SLC16A9: variants seen among roughly 807,000 people sequenced by gnomAD.
The protein encoded by SLC16A9 is solute carrier family 16 member 9, also known as monocarboxylate transporter 9.
In SLC16A9, 26 loss-of-function variants were observed where a neutral mutation model predicts 44.3. That is an observed-to-expected ratio of 0.59 (90% CI 0.43 to 0.81). The LOEUF is 0.81. Among genes scored for constraint, SLC16A9 ranks in the 40% least tolerant of loss-of-function variants. The pLI, the probability that SLC16A9 is intolerant of heterozygous loss-of-function variation, is 0.00. For missense variants in SLC16A9, 559 were observed against 595.8 expected, an observed-to-expected ratio of 0.94 and a Z score of 0.64; for synonymous variants, 230 against 225.1, an observed-to-expected ratio of 1.02 and a Z score of -0.19.
chr10:59,697,038 TGCC>T (rs1840405744), intron 1 of SLC16A9, among the ~76,000 whole-genome samples: 1 of 89,562 alleles, frequency 1.1e-5, no homozygotes, highest in Non-Finnish European at 2.4e-5. Context: ...GGGGCGCCTC[TGCC>T]TGGCCGCCCC....
At chr10:59,689,245 G>A (rs752544004) in intron 1 of SLC16A9, among the ~76,000 whole-genome samples, 9 of 152,064 alleles carry the variant, frequency 5.9e-5, no homozygotes, top group African/African-American at 1.7e-4. Context: ...CCCTCCTCCC[G>A]TGGCTTCCTC....
chr10:59,651,389 TA>T lies in SLC16A9; in HGVS notation c.*1382del, dbSNP rs972825220. The T allele has an allele frequency of 1.3e-5, 2 of 152,284 alleles. No homozygotes were observed. Among genetic ancestry groups the T allele is most frequent in the Non-Finnish European group, 2.9e-5 (2 of 68,006 alleles). 9.4% of individuals were successfully genotyped at this position (152,284 alleles called of 1,614,324 possible). ...TAAAATCCCCTGACCTCTTGGGTTT[TA>T]AAAAAATTATTATTTAAAAGAATAA... On this transcript the variant is annotated 3_prime_UTR_variant, in exon 6 of 6. Coordinates refer to ENST00000395348, the MANE Select transcript of SLC16A9 (RefSeq NM_194298.3).
intron 1 of SLC16A9, among the ~76,000 whole-genome samples, chr10:59,704,216 C>T (rs940282141): frequency 6.6e-6 from 1 of 152,240 alleles, no homozygotes; most frequent in South Asian, 2.1e-4. Flanking sequence ...ATCTCCCTGA[C>T]GCAGGACTAA....
chr10:59,688,988 G>A (rs914641111), intron 1 of SLC16A9, among the ~76,000 whole-genome samples: 2 of 151,986 alleles, frequency 1.3e-5, no homozygotes, highest in African/African-American at 4.8e-5. Flanking sequence ...GCCATGCCCT[G>A]CCTTCGGTGA....
chr10:59,690,258 C>T (rs1046739699), intron 1 of SLC16A9, among the ~76,000 whole-genome samples: 6 of 152,146 alleles, frequency 3.9e-5, no homozygotes, highest in African/African-American at 1.4e-4. Flanking sequence ...AGTTATATTG[C>T]ACTAGCTACT....
In SLC16A9 at chr10:59,694,801, AAT is replaced by A. The variant is rs1554874045; in HGVS notation, c.-36-10476_-36-10475del. Reference sequence around the variant, plus strand: ...GGTAACAGAGCGAGACTCCATCTCAAATATATATATATATATACACACACACA... The same window carrying A: ...GGTAACAGAGCGAGACTCCATCTCAAATATATATATATATACACACACACA... On this transcript the variant is annotated intron_variant, in intron 1 of 5. Coordinates refer to ENST00000395348, the MANE Select transcript of SLC16A9 (RefSeq NM_194298.3). Among the ~76,000 whole-genome samples the A allele has an allele frequency of 4.1e-5, 3 of 72,456 alleles. 1 individual carries two copies. The highest frequency in any genetic ancestry group is 6.4e-5 in the Non-Finnish European group (2 of 31,032). 47.5% of individuals were successfully genotyped at this position (72,456 alleles called of 152,430 possible).
At chr10:59,690,214 C>T (rs564372114) in intron 1 of SLC16A9, among the ~76,000 whole-genome samples, 106 of 152,144 alleles carry the variant, frequency 7.0e-4, no homozygotes, top group African/African-American at 2.5e-3. Flanking sequence ...AGAAAGTGGT[C>T]TTTATTCAAA....
rs552184462 is a variant in SLC16A9, at chr10:59,704,873, C to A, written c.-37+4606G>T. 2.6e-5 allele frequency among the ~76,000 whole-genome samples: 4 copies of A among 152,294 alleles called. No homozygotes were observed. The South Asian group carries it at 8.3e-4, about 32-fold the overall frequency. On this transcript the variant is annotated intron_variant, in intron 1 of 5. Transcript: ENST00000395348. ...GATCATGTGATGTTTGATCTGTTGTCTAAATACATACTTTAGTATGTCATG... is the reference window on the plus strand; with the variant it reads ...GATCATGTGATGTTTGATCTGTTGTATAAATACATACTTTAGTATGTCATG...
Position 59,672,879 on chromosome 10 carries a change from T to A in SLC16A9, c.231A>T (p.Gly77=). 1 of 1,613,468 alleles carries A rather than the reference T, an allele frequency of 6.2e-7. No homozygotes were observed. The highest frequency in any genetic ancestry group is 1.1e-5 in the South Asian group (1 of 90,960). Residue 77 remains glycine (G), a synonymous_variant, in exon 3 of 6, where the codon GGA becomes GGT. Coordinates refer to ENST00000395348, the MANE Select transcript of SLC16A9 (RefSeq NM_194298.3). ...PVCSLCVSSF[G]ARPVTIFSGF... ...CACTGAAGATTGTGACAGGTCTTGC[T>A]CCAAAAGATGAGACACAGAGACTGC...
intron 1 of SLC16A9, among the ~76,000 whole-genome samples, chr10:59,706,927 T>C (rs963315418): frequency 6.7e-6 from 1 of 148,482 alleles, no homozygotes; most frequent in African/African-American, 2.5e-5. Context: ...TAAGCCAAGA[T>C]TGAGCCACTG....
intron 2 of SLC16A9, among the ~76,000 whole-genome samples, chr10:59,680,538 A>G (rs905914832): frequency 1.3e-5 from 2 of 152,262 alleles, no homozygotes; most frequent in Non-Finnish European, 2.9e-5. Context: ...GCCACACACA[A>G]GAAGAAATCT....
chr10:59,688,457 G>C (rs1416433178), intron 1 of SLC16A9, among the ~76,000 whole-genome samples: 2 of 151,988 alleles, frequency 1.3e-5, no homozygotes, highest in Non-Finnish European at 2.9e-5. Context: ...CAAAACTGTA[G>C]GTATAAAATC....
intron 1 of SLC16A9, among the ~76,000 whole-genome samples, chr10:59,702,299 C>G (rs1296513597): frequency 6.6e-6 from 1 of 152,132 alleles, no homozygotes; most frequent in Non-Finnish European, 1.5e-5. Context: ...AAATCTTTTA[C>G]CAATATAACA....
chr10:59,672,643 G>C, intron 3 of SLC16A9, 127 bp downstream of exon 3: 1 of 961,728 alleles, frequency 1.0e-6, no homozygotes, highest in Non-Finnish European at 1.5e-6. Context: ...TGGAGAAGTG[G>C]TTATTGAAAG....
intron 1 of SLC16A9, among the ~76,000 whole-genome samples, chr10:59,703,367 A>G (rs1840567151): frequency 6.6e-6 from 1 of 152,242 alleles, no homozygotes; most frequent in African/African-American, 2.4e-5. Context: ...CAATTCTCCT[A>G]TCATGGCCTC....
intron 1 of SLC16A9, among the ~76,000 whole-genome samples, chr10:59,695,880 GC>G (rs1225576276): frequency 6.6e-6 from 1 of 152,148 alleles, no homozygotes; most frequent in Non-Finnish European, 1.5e-5. Context: ...ACTATTTTAA[GC>G]AAGTTAACAA....
At chr10:59,678,546 C>CTTTTTCTTTTTTTTTTTTTT (rs1839912421) in intron 2 of SLC16A9, among the ~76,000 whole-genome samples, 1 of 30,620 alleles carries the variant, frequency 3.3e-5, no homozygotes, top group Non-Finnish European at 7.1e-5. Flanking sequence ...TTTTCTTTTT[C>CTTTTTCTTTTTTTTTTTTTT]TTTTTTTTGA....
intron 3 of SLC16A9, among the ~76,000 whole-genome samples, chr10:59,671,313 G>A (rs1430765052): frequency 6.6e-6 from 1 of 152,208 alleles, no homozygotes; most frequent in African/African-American, 2.4e-5. Context: ...GAAGGACACT[G>A]CAACAAACAT....
chr10:59,703,741 C>T (rs1341906552), intron 1 of SLC16A9, among the ~76,000 whole-genome samples: 3 of 147,840 alleles, frequency 2.0e-5, no homozygotes, highest in Non-Finnish European at 4.5e-5. Flanking sequence ...TTTTTTGAGA[C>T]GAAGTCTTGC....
Sources: gnomAD v4.1 joint callset for allele counts (sites outside exome capture counted in the v4.1 genomes callset) on GRCh38, gnomAD v4.1.1 for gene constraint, MANE v1.5 for transcripts, NCBI Gene and HGNC (gene_info 2026-07-23, HGNC 2026-07-21) for gene names.